DENND1A: variants seen among roughly 807,000 people sequenced by gnomAD.
The protein encoded by DENND1A is DENN domain-containing protein 1A.
DENND1A carries 51 observed loss-of-function variants against 113.7 expected under a neutral mutation model. The ratio of observed to expected loss-of-function variants is 0.45; its 90% CI spans 0.36 to 0.57. DENND1A has a LOEUF of 0.57. Ranked by LOEUF, DENND1A falls within the 20% of genes least tolerant of loss-of-function variation. The pLI is 0.00. For missense variants in DENND1A, 1,258 were observed against 1,395.9 expected (o/e 0.90, Z 1.57); for synonymous variants, 565 against 570.8 (o/e 0.99, Z 0.14).
At chr9:123,491,533 G>A (rs766088371) in intron 13 of DENND1A, among the ~76,000 whole-genome samples, 9 of 152,190 alleles carry the variant, frequency 5.9e-5, no homozygotes, top group Admixed American at 2.0e-4. Flanking sequence ...TGCCATGAAC[G>A]CTCTAGTATA....
At position 123,392,108 on chromosome 9, in the gene DENND1A, C is replaced by G. The variant is rs188667668; in HGVS notation, c.1632-4250G>C. 8.5e-5 allele frequency among the ~76,000 whole-genome samples: 13 copies of G among 152,238 alleles called. 1 individual carries two copies. Among genetic ancestry groups the G allele is most frequent in the Admixed American group, 8.5e-4 (13 of 15,298 alleles). On this transcript the variant is annotated intron_variant, in intron 21 of 23. Coordinates refer to ENST00000394215, the MANE Select transcript of DENND1A (RefSeq NM_001352964.2). ...GCGCGCGTGTGACAGTGGTGACAGG[C>G]GAGGCTGTTCCTTTTTAAATACCAT...
At chr9:123,535,715 C>A (rs765849382) in intron 13 of DENND1A, among the ~76,000 whole-genome samples, 3 of 152,208 alleles carry the variant, frequency 2.0e-5, no homozygotes, top group Non-Finnish European at 4.4e-5. Flanking sequence ...TCAGATACCA[C>A]CTCTTTGGAG....
intron 8 of DENND1A, among the ~76,000 whole-genome samples, chr9:123,659,890 C>T (rs1039102754): frequency 1.3e-5 from 2 of 152,210 alleles, no homozygotes; most frequent in Non-Finnish European, 2.9e-5. Flanking sequence ...CAAATTTCAA[C>T]ACTGCTAGAG....
intron 16 of DENND1A, among the ~76,000 whole-genome samples, chr9:123,452,832 ACTTC>A (rs1247382894): frequency 6.6e-6 from 1 of 152,154 alleles, no homozygotes; most frequent in East Asian, 1.9e-4. Context: ...TCACCGTGCA[ACTTC>A]CTTTTCTTTC....
chr9:123,655,757 C>T (rs1036510773), intron 8 of DENND1A, among the ~76,000 whole-genome samples: 1 of 152,216 alleles, frequency 6.6e-6, no homozygotes, highest in Non-Finnish European at 1.5e-5. Context: ...TCAGTCAAGA[C>T]TACAGCCAGA....
At position 123,879,040 on chromosome 9, in the gene DENND1A, A is replaced by G. The variant is rs1336790159; in HGVS notation, c.18-19T>C. 2 of 1,612,952 alleles carry G rather than the reference A, an allele frequency of 1.2e-6. No individual in the cohort carries two copies. The highest frequency in any genetic ancestry group is 1.7e-5 in the Admixed American group (1 of 60,002). ...ATTCTGCCTACAAAAGAAACAGATC[A>G]TGATTACTGACAAAGATTGAGGCAG... On this transcript the variant is annotated intron_variant, in intron 1 of 23. Coordinates refer to ENST00000394215, the MANE Select transcript of DENND1A (RefSeq NM_001352964.2).
intron 8 of DENND1A, 186 bp from the exon 9 acceptor site, chr9:123,652,309 A>G: frequency 1.8e-6 from 1 of 542,512 alleles, no homozygotes; most frequent in East Asian, 3.1e-5. Flanking sequence ...AAGTTGGAAG[A>G]CACCTTACAG....
In DENND1A at chr9:123,402,572, C is replaced by T. The variant is rs762066519; in HGVS notation, c.1631+830G>A. 5 of 534,830 alleles carry T rather than the reference C, an allele frequency of 9.3e-6. No homozygotes were observed. The Admixed American group carries it at 9.7e-5, about 10-fold the overall frequency. 33.1% of individuals were successfully genotyped at this position (534,830 alleles called of 1,614,324 possible). ...CCCTGGGGTAGTTTTTCTGACTCCT[C>T]CAACAATCCTAGACCAAGACGAACT... On this transcript the variant is annotated intron_variant, in intron 21 of 23. Coordinates refer to ENST00000394215, the MANE Select transcript of DENND1A (RefSeq NM_001352964.2).
At chr9:123,700,356 C>G (rs998633613) in intron 5 of DENND1A, among the ~76,000 whole-genome samples, 1 of 152,176 alleles carries the variant, frequency 6.6e-6, no homozygotes, top group South Asian at 2.1e-4. Flanking sequence ...GTATCAGTAA[C>G]AGTCCTCCAG....
chr9:123,667,216 G>A, intron 7 of DENND1A, 137 bp from the exon 8 acceptor site: 5 of 816,232 alleles, frequency 6.1e-6, no homozygotes, highest in Middle Eastern at 6.5e-4. Flanking sequence ...AACACCCATG[G>A]AATATTTTCT....
chr9:123,669,450 A>C (rs1200357170), intron 7 of DENND1A, among the ~76,000 whole-genome samples: 1 of 152,190 alleles, frequency 6.6e-6, no homozygotes. Context: ...GGACCAGGGG[A>C]GGTCAGAAAC....
At chr9:123,794,521 C>T (rs530519909) in intron 2 of DENND1A, among the ~76,000 whole-genome samples, 88 of 152,292 alleles carry the variant, frequency 5.8e-4, no homozygotes, top group African/African-American at 2.1e-3. Context: ...TACTTTCATG[C>T]CAATCGTTAC....
intron 19 of DENND1A, among the ~76,000 whole-genome samples, chr9:123,431,267 C>G (rs907860500): frequency 7.2e-5 from 11 of 152,200 alleles, no homozygotes; most frequent in African/African-American, 2.7e-4. Flanking sequence ...TACTCTCTCA[C>G]ACACACCAGA....
chr9:123,919,884 A>G (rs911149311), intron 1 of DENND1A, among the ~76,000 whole-genome samples: 10 of 103,712 alleles, frequency 9.6e-5, no homozygotes, highest in East Asian at 4.6e-4. Flanking sequence ...TCTGTCTCAG[A>G]AAAAAAAAAA....
chr9:123,802,197 A>C (rs886628693), intron 2 of DENND1A, among the ~76,000 whole-genome samples: 1 of 152,164 alleles, frequency 6.6e-6, no homozygotes, highest in African/African-American at 2.4e-5. Context: ...TCTTACTGCA[A>C]CCGAATGCTC....
intron 9 of DENND1A, among the ~76,000 whole-genome samples, chr9:123,645,389 C>T (rs928885724): frequency 2.0e-5 from 3 of 152,208 alleles, no homozygotes; most frequent in African/African-American, 7.2e-5. Context: ...CTCAAAAAAT[C>T]TCAGGCTGAG....
intron 9 of DENND1A, among the ~76,000 whole-genome samples, chr9:123,630,985 T>A (rs768490610): frequency 1.3e-5 from 2 of 152,190 alleles, no homozygotes; most frequent in Non-Finnish European, 2.9e-5. Context: ...CTCGATGAAT[T>A]TCCCATGCTA....
intron 11 of DENND1A, among the ~76,000 whole-genome samples, chr9:123,600,902 G>A (rs1388153962): frequency 1.3e-5 from 2 of 151,866 alleles, no homozygotes; most frequent in Non-Finnish European, 2.9e-5. Flanking sequence ...AGGTCCATAT[G>A]ACTCCAGTGC....
chr9:123,599,547 A>C (rs1299867132), intron 11 of DENND1A, among the ~76,000 whole-genome samples: 1 of 152,198 alleles, frequency 6.6e-6, no homozygotes, highest in Non-Finnish European at 1.5e-5. Context: ...AATTGTCATC[A>C]CTTTATGGCA....
Sources: gnomAD v4.1 joint callset for allele counts (sites outside exome capture counted in the v4.1 genomes callset) on GRCh38, gnomAD v4.1.1 for gene constraint, MANE v1.5 for transcripts, NCBI Gene and HGNC (gene_info 2026-07-23, HGNC 2026-07-21) for gene names.